CCDC60: variants seen among roughly 807,000 people sequenced by gnomAD.
The protein encoded by CCDC60 is coiled-coil domain-containing protein 60.
A neutral mutation model predicts 63.5 loss-of-function variants in CCDC60; 54 were observed. The observed-to-expected ratio is 0.85, with a 90% CI of 0.68 to 1.07. CCDC60 has a LOEUF of 1.07. Ranked by LOEUF, CCDC60 falls within the 50% of genes least tolerant of loss-of-function variation. The probability of loss-of-function intolerance (pLI) is 0.00; values close to 1 mark genes in which losing one functional copy is unlikely to be tolerated. For missense variants in CCDC60, 651 were observed against 684.3 expected, an observed-to-expected ratio of 0.95 and a Z score of 0.54; for synonymous variants, 206 against 238.8, an observed-to-expected ratio of 0.86 and a Z score of 1.27.
intron 1 of CCDC60, among the ~76,000 whole-genome samples, chr12:119,403,921 G>A (rs561909794): frequency 6.6e-6 from 1 of 152,244 alleles, no homozygotes; most frequent in East Asian, 1.9e-4. Context: ...TGGGATGATT[G>A]AATCAAGCTA....
rs558227320 is a variant in CCDC60, at chr12:119,531,117, C to T, written c.1551+54C>T. On this transcript the variant is annotated intron_variant, in intron 13 of 13. Coordinates refer to ENST00000327554, the MANE Select transcript of CCDC60 (RefSeq NM_178499.5). The stretch of plus-strand genomic sequence containing the variant: ...TGTTTCAGGTGTCCTCATTCAATCA[C>T]CTCTCAACATTCAGGCACTGTTTAA... 33 of 1,481,974 alleles carry T rather than the reference C, an allele frequency of 2.2e-5. No individual in the cohort carries two copies. The East Asian group carries it at 2.7e-4, about 12-fold the overall frequency. 91.8% of individuals were successfully genotyped at this position (1,481,974 alleles called of 1,614,324 possible).
At chr12:119,339,855 G>A (rs1398811764) in intron 1 of CCDC60, among the ~76,000 whole-genome samples, 2 of 152,122 alleles carry the variant, frequency 1.3e-5, no homozygotes, top group South Asian at 4.2e-4. Context: ...CAAACTCTGT[G>A]CTCCAGCTGG....
intron 1 of CCDC60, among the ~76,000 whole-genome samples, chr12:119,342,608 G>C (rs1236701228): frequency 1.3e-5 from 2 of 152,194 alleles, no homozygotes; most frequent in Non-Finnish European, 2.9e-5. Flanking sequence ...CTTGTCCATA[G>C]TAGTACCCAT....
Position 119,479,126 on chromosome 12 carries a change from G to A in CCDC60, c.374G>A (p.Gly125Glu). Residue 125 changes from glycine to glutamate, a missense_variant, in exon 4 of 14, where the codon GGA (glycine) becomes GAA (glutamate). Coordinates refer to ENST00000327554, the MANE Select transcript of CCDC60 (RefSeq NM_178499.5). ...GATGATGAGAAGTTGAAGACACTGG[G>A]AGCTAGAGTCACACGTCGCCCATTC... ...TYDDEKLKTL[G>E]ARVTRRPFTP... The A allele has an allele frequency of 6.2e-7, 1 of 1,613,908 alleles. No individual in the cohort carries two copies. Among genetic ancestry groups the A allele is most frequent in the South Asian group, 1.1e-5 (1 of 91,082 alleles).
rs371485138 is a variant in CCDC60, at chr12:119,488,843, T to C, written c.534T>C (p.Pro178=). The C allele has an allele frequency of 2.5e-6, 4 of 1,614,032 alleles. No homozygotes were observed. In the African/African-American group the frequency reaches 4.0e-5, roughly 16 times the overall value. Residue 178 remains proline, a synonymous_variant, in exon 5 of 14, where the codon CCT becomes CCC. Coordinates refer to ENST00000327554, the MANE Select transcript of CCDC60 (RefSeq NM_178499.5). ...ACCACACCCACCACACCATGAAGCC[T>C]GTGATCACCTGCTGGAACCCAAAGT... ...TIDHTHHTMK[P]VITCWNPKDP...
At chr12:119,361,561 C>T (rs755245391) in intron 1 of CCDC60, among the ~76,000 whole-genome samples, 73 of 152,168 alleles carry the variant, frequency 4.8e-4, no homozygotes, top group Non-Finnish European at 9.1e-4. Context: ...CATCAAGGGT[C>T]GCAAAAGAAT....
intron 13 of CCDC60, 22 bp from the exon 14 acceptor site, chr12:119,540,592 T>A: frequency 6.4e-7 from 1 of 1,561,194 alleles, no homozygotes; most frequent in Non-Finnish European, 8.8e-7. Context: ...ATTCTGAGAT[T>A]GCCACTATGT....
chr12:119,527,822 G>A (rs751410611), intron 11 of CCDC60, among the ~76,000 whole-genome samples: 4 of 151,414 alleles, frequency 2.6e-5, no homozygotes, highest in East Asian at 1.9e-4. Context: ...GACTACAGGC[G>A]CCCGCCACCA....
In CCDC60 at chr12:119,335,257, C is replaced by T. The variant is rs145452869; in HGVS notation, c.81C>T (p.Asn27=). Residue 27 remains asparagine, a synonymous_variant, in exon 1 of 14, where the codon AAC becomes AAT. Transcript: ENST00000327554. The stretch of plus-strand genomic sequence containing the variant: ...TCCGGCCCTTTTATGCCTCGGAGAA[C>T]CTAAGGCAGGTAAGTCTCCCCTCTG... ...GAVRPFYASE[N]LRQVPDKPMK... 4.6e-5 allele frequency: 73 copies of T among 1,597,892 alleles called. No individual in the cohort carries two copies. In the African/African-American group the frequency reaches 6.6e-4, roughly 14 times the overall value.
chr12:119,383,195 G>A (rs1443477600), intron 1 of CCDC60, among the ~76,000 whole-genome samples: 2 of 152,168 alleles, frequency 1.3e-5, no homozygotes, highest in African/African-American at 2.4e-5. Flanking sequence ...AATTACTTGA[G>A]CCCAGGAGTT....
intron 13 of CCDC60, among the ~76,000 whole-genome samples, chr12:119,537,739 C>T (rs558263890): frequency 1.9e-4 from 29 of 152,256 alleles, no homozygotes; most frequent in African/African-American, 6.3e-4. Context: ...GTATCACCAG[C>T]GGAGGCTGTA....
chr12:119,374,132 AG>A (rs1955927820), intron 1 of CCDC60, among the ~76,000 whole-genome samples: 1 of 152,202 alleles, frequency 6.6e-6, no homozygotes, highest in Admixed American at 6.5e-5. Context: ...AAATTCCAAA[AG>A]CTCTGGGTTC....
At chr12:119,475,407 G>A (rs990713541) in intron 3 of CCDC60, among the ~76,000 whole-genome samples, 1 of 152,214 alleles carries the variant, frequency 6.6e-6, no homozygotes, top group Non-Finnish European at 1.5e-5. Context: ...GTTTCAGTGT[G>A]TGAGAAATGA....
chr12:119,370,882 C>A (rs1955890652), intron 1 of CCDC60, among the ~76,000 whole-genome samples: 1 of 152,022 alleles, frequency 6.6e-6, no homozygotes, highest in Admixed American at 6.6e-5. Flanking sequence ...TTTCAAAAAA[C>A]TTAGCCAGGT....
At chr12:119,513,882 A>G (rs1388162695) in intron 7 of CCDC60, among the ~76,000 whole-genome samples, 1 of 152,220 alleles carries the variant, frequency 6.6e-6, no homozygotes, top group Non-Finnish European at 1.5e-5. Context: ...TGACTATGGT[A>G]CTGGTTTATA....
intron 7 of CCDC60, among the ~76,000 whole-genome samples, chr12:119,507,609 TA>T (rs1352628807): frequency 0.017 from 587 of 35,478 alleles, 52 homozygotes; most frequent in Non-Finnish European, 0.02. Flanking sequence ...TATATATATA[TA>T]TATATTTTTT....
At chr12:119,485,969 T>G (rs1951431394) in intron 4 of CCDC60, among the ~76,000 whole-genome samples, 3 of 152,124 alleles carry the variant, frequency 2.0e-5, no homozygotes, top group African/African-American at 7.2e-5. Context: ...CTTCCTTTGT[T>G]CATTTCCCTC....
Position 119,377,274 on chromosome 12 carries a change from AAAAAAG to A in CCDC60, c.90+42018_90+42023del, listed in dbSNP as rs1402034084. The stretch of plus-strand genomic sequence containing the variant: ...CATCTCAAAAAAAAAAAAAAAAAAA[AAAAAAG>A]AAAAAGAAAGAAAGAAAAAATTCCA... On this transcript the variant is annotated intron_variant, in intron 1 of 13. Coordinates refer to ENST00000327554, the MANE Select transcript of CCDC60 (RefSeq NM_178499.5). Among the ~76,000 whole-genome samples, 1,209 of 142,116 alleles carry A rather than the reference AAAAAAG, an allele frequency of 8.5e-3. 14 individuals carry two copies. The highest frequency in any genetic ancestry group is 0.019 in the South Asian group (83 of 4,332). The allele number at this position is 142,116 out of a possible 152,430, so 93.2% of individuals were successfully genotyped here.
At chr12:119,476,843 G>C (rs1407448024) in intron 3 of CCDC60, among the ~76,000 whole-genome samples, 1 of 152,040 alleles carries the variant, frequency 6.6e-6, no homozygotes, top group Non-Finnish European at 1.5e-5. Context: ...CTTTACACAT[G>C]CTGTTCCCTC....
Sources: gnomAD v4.1 joint callset for allele counts (sites outside exome capture counted in the v4.1 genomes callset) on GRCh38, gnomAD v4.1.1 for gene constraint, MANE v1.5 for transcripts, NCBI Gene and HGNC (gene_info 2026-07-23, HGNC 2026-07-21) for gene names.